PPP2R2B: variants seen among roughly 807,000 people sequenced by gnomAD.
PPP2R2B encodes the protein protein phosphatase 2 regulatory subunit Bbeta, also known as serine/threonine-protein phosphatase 2A 55 kDa regulatory subunit B beta isoform.
A neutral mutation model predicts 46.0 loss-of-function variants in PPP2R2B; 5 were observed. The ratio of observed to expected loss-of-function variants is 0.11; its 90% confidence interval spans 0.06 to 0.23. The LOEUF is 0.23. PPP2R2B is among the 10% of genes least tolerant of loss of function. The pLI, the probability that PPP2R2B is intolerant of heterozygous loss-of-function variation, is 1.00. For missense variants in PPP2R2B, 367 were observed against 575.0 expected (o/e 0.64, Z 3.70); for synonymous variants, 215 against 206.7 (o/e 1.04, Z -0.34).
At chr5:146,920,374 T>C (rs1763555851) in intron 1 of PPP2R2B, among the ~76,000 whole-genome samples, 1 of 152,184 alleles carries the variant, frequency 6.6e-6, no homozygotes, top group Non-Finnish European at 1.5e-5. Flanking sequence ...ACACAGTGGG[T>C]GCTCAAGAAA....
chr5:146,855,950 T>A (rs1275880113), intron 2 of PPP2R2B, among the ~76,000 whole-genome samples: 1 of 152,200 alleles, frequency 6.6e-6, no homozygotes, highest in Non-Finnish European at 1.5e-5. Flanking sequence ...GAGAAGTTGT[T>A]TTTCCTACAC....
rs988492744 is a variant in PPP2R2B, at chr5:146,588,456, GA to G, written c.*1490del. ...ACTGAAAGAAAATTTCCCTTTCATT[GA>G]AAAACTCTCATCTCAAACCATTTAC... is the stretch of plus-strand genomic sequence containing the variant. On this transcript the variant is annotated 3_prime_UTR_variant, in exon 10 of 10. Coordinates refer to ENST00000394411, the MANE Select transcript of PPP2R2B (RefSeq NM_181675.4). 6.6e-6 allele frequency: 1 copy of G among 152,086 alleles called. No homozygotes were observed. Among genetic ancestry groups the G allele is most frequent in the Non-Finnish European group, 1.5e-5 (1 of 68,030 alleles). 9.4% of individuals were successfully genotyped at this position (152,086 alleles called of 1,614,324 possible).
chr5:146,581,945 G>A lies in PPP2R2B; in HGVS notation c.*8002C>T, dbSNP rs1378576503. 4 of 152,152 alleles carry A rather than the reference G, an allele frequency of 2.6e-5. No homozygotes were observed. The highest frequency in any genetic ancestry group is 5.9e-5 in the Non-Finnish European group (4 of 68,030). The allele number at this position is 152,152 out of a possible 1,614,324, so 9.4% of individuals were successfully genotyped here. ...TGGAGGAAGTCAAGTTTATCTTATTGGAGTGAATTGGGCATGTAGAATAAA... is the reference window on the plus strand; with the variant it reads ...TGGAGGAAGTCAAGTTTATCTTATTAGAGTGAATTGGGCATGTAGAATAAA... On this transcript the variant is annotated 3_prime_UTR_variant, in exon 10 of 10. Transcript: ENST00000394411.
chr5:146,770,834 G>A (rs959460396), intron 2 of PPP2R2B, among the ~76,000 whole-genome samples: 1 of 152,182 alleles, frequency 6.6e-6, no homozygotes, highest in Non-Finnish European at 1.5e-5. Flanking sequence ...ATAGCTCAAT[G>A]AGGCTCAAGC....
At chr5:146,812,707 C>A (rs1757652056) in intron 2 of PPP2R2B, among the ~76,000 whole-genome samples, 2 of 11,962 alleles carry the variant, frequency 1.7e-4, no homozygotes, top group African/African-American at 3.1e-4. Context: ...ATATACACTG[C>A]TATCACTAGA....
intron 1 of PPP2R2B, among the ~76,000 whole-genome samples, chr5:146,926,671 T>A (rs1397074581): frequency 6.6e-6 from 1 of 152,214 alleles, no homozygotes; most frequent in African/African-American, 2.4e-5. Context: ...TTGCCCTTTT[T>A]CACCTATTTT....
chr5:146,794,232 T>C (rs1412729678), intron 2 of PPP2R2B, among the ~76,000 whole-genome samples: 1 of 152,216 alleles, frequency 6.6e-6, no homozygotes, highest in Non-Finnish European at 1.5e-5. Context: ...GTCTTCAGTC[T>C]TCTTTTGTCA....
chr5:146,842,635 T>C (rs1319494931), intron 2 of PPP2R2B, among the ~76,000 whole-genome samples: 2 of 152,234 alleles, frequency 1.3e-5, no homozygotes, highest in Non-Finnish European at 2.9e-5. Flanking sequence ...CCTGGTCATC[T>C]AATTTTACCT....
intron 8 of PPP2R2B, among the ~76,000 whole-genome samples, chr5:146,598,981 T>C (rs899795855): frequency 2.6e-5 from 4 of 152,156 alleles, no homozygotes; most frequent in Admixed American, 6.6e-5. Flanking sequence ...TTATGTACAT[T>C]ATATCTCAAG....
intron 1 of PPP2R2B, among the ~76,000 whole-genome samples, chr5:146,973,873 A>G (rs1582526800): frequency 1.3e-5 from 2 of 152,352 alleles, no homozygotes; most frequent in African/African-American, 4.8e-5. Flanking sequence ...ATGCATATAG[A>G]TAATAGGCAC....
chr5:147,024,701 G>A (rs946982720), intron 1 of PPP2R2B, among the ~76,000 whole-genome samples: 8 of 152,036 alleles, frequency 5.3e-5, no homozygotes, highest in African/African-American at 1.9e-4. Flanking sequence ...AAATTAAACA[G>A]CACATTTCTA....
chr5:146,886,837 A>T (rs541562511), intron 1 of PPP2R2B, among the ~76,000 whole-genome samples: 8 of 152,206 alleles, frequency 5.3e-5, no homozygotes, highest in African/African-American at 1.9e-4. Context: ...TAAAAAAAAA[A>T]AATAAGTATT....
chr5:146,687,059 G>A (rs539703788), intron 5 of PPP2R2B, among the ~76,000 whole-genome samples: 119 of 151,594 alleles, frequency 7.8e-4, no homozygotes, highest in Non-Finnish European at 1.2e-3. Context: ...CAGTGGTAGC[G>A]GGGAGTGGTG....
At chr5:146,629,365 C>G (rs1050664628) in intron 7 of PPP2R2B, among the ~76,000 whole-genome samples, 1 of 152,162 alleles carries the variant, frequency 6.6e-6, no homozygotes, top group South Asian at 2.1e-4. Flanking sequence ...TCCATCACCT[C>G]TTCACTGCCA....
intron 6 of PPP2R2B, among the ~76,000 whole-genome samples, chr5:146,650,154 G>A (rs1775861738): frequency 6.6e-6 from 1 of 152,060 alleles, no homozygotes; most frequent in Non-Finnish European, 1.5e-5. Context: ...TCACTATTAT[G>A]AGACAATGGA....
intron 2 of PPP2R2B, among the ~76,000 whole-genome samples, chr5:146,719,946 G>C (rs1020481626): frequency 2.0e-5 from 3 of 152,080 alleles, no homozygotes; most frequent in African/African-American, 7.2e-5. Context: ...CCCTTTAGAA[G>C]GGCATAGGTC....
At chr5:146,843,579 T>C (rs1012778608) in intron 2 of PPP2R2B, among the ~76,000 whole-genome samples, 4 of 152,224 alleles carry the variant, frequency 2.6e-5, no homozygotes, top group Non-Finnish European at 5.9e-5. Context: ...ACAAATTAGA[T>C]GATATCATCT....
At chr5:146,843,047 C>A (rs1759761734) in intron 2 of PPP2R2B, among the ~76,000 whole-genome samples, 1 of 152,142 alleles carries the variant, frequency 6.6e-6, no homozygotes, top group South Asian at 2.1e-4. Context: ...AATTAGCTGG[C>A]GTGATGGCGC....
intron 5 of PPP2R2B, among the ~76,000 whole-genome samples, chr5:146,654,144 C>T (rs1581799966): frequency 6.6e-6 from 1 of 152,140 alleles, no homozygotes; most frequent in Non-Finnish European, 1.5e-5. Flanking sequence ...GCTTCTTGTG[C>T]CAGTCACTGA....
Sources: gnomAD v4.1 joint callset for allele counts (sites outside exome capture counted in the v4.1 genomes callset) on GRCh38, gnomAD v4.1.1 for gene constraint, MANE v1.5 for transcripts, NCBI Gene and HGNC (gene_info 2026-07-23, HGNC 2026-07-21) for gene names.